Variants in STRIP2 observed in about 807,000 individuals in gnomAD.
The protein encoded by STRIP2 is striatin interacting protein 2, also known as striatin-interacting protein 2.
Under a neutral mutation model 107.1 loss-of-function variants are expected in STRIP2, and 84 were observed. That is an observed-to-expected ratio of 0.78 (90% CI 0.66 to 0.94). The LOEUF (loss-of-function observed/expected upper bound fraction) is 0.94, where lower values mean the gene tolerates loss of function less well. Ranked by LOEUF, STRIP2 falls within the 40% of genes least tolerant of loss-of-function variation. The probability of loss-of-function intolerance (pLI) is 0.00; values close to 1 mark genes in which losing one functional copy is unlikely to be tolerated. For synonymous variants in STRIP2, 394 were observed against 400.4 expected, an observed-to-expected ratio of 0.98 and a Z score of 0.19; for missense variants, 888 against 1,034.2, an observed-to-expected ratio of 0.86 and a Z score of 1.94.
At chr7:129,480,469 G>A (rs551137338) in intron 18 of STRIP2, among the ~76,000 whole-genome samples, 6 of 152,284 alleles carry the variant, frequency 3.9e-5, no homozygotes, top group East Asian at 1.9e-4. Context: ...GTATATGGGG[G>A]TAAAATTCTC....
At position 129,440,106 on chromosome 7, in the gene STRIP2, G is replaced by T. The variant is rs767812903; in HGVS notation, c.199+15G>T. 1.9e-6 allele frequency: 3 copies of T among 1,611,468 alleles called. No homozygotes were observed. The highest frequency in any genetic ancestry group is 2.5e-6 in the Non-Finnish European group (3 of 1,177,626). The stretch of plus-strand genomic sequence containing the variant: ...CGAGTTGTCAGGTATGAGGTAGATG[G>T]GTCAGTAGCTAGTGGAAGAATGGCC... On this transcript the variant is annotated intron_variant, in intron 2 of 20. Transcript: ENST00000249344.
At position 129,467,467 on chromosome 7, in the gene STRIP2, G is replaced by A. The variant is rs985910166; in HGVS notation, c.1877+17G>A. On this transcript the variant is annotated intron_variant, in intron 17 of 20. Transcript: ENST00000249344. ...CAAAAACAGGTATGAACTCTGGACA[G>A]GTTTATTTCAAGGGGCTATTTTGGG... The A allele has an allele frequency of 3.1e-6, 5 of 1,589,574 alleles. No homozygotes were observed. In the African/African-American group the frequency reaches 4.0e-5, roughly 13 times the overall value.
chr7:129,476,874 G>A (rs1384123030), intron 18 of STRIP2, among the ~76,000 whole-genome samples: 1 of 151,994 alleles, frequency 6.6e-6, no homozygotes, highest in Admixed American at 6.6e-5. Flanking sequence ...CTGCACTCCA[G>A]CCTGGGCAAC....
intron 3 of STRIP2, among the ~76,000 whole-genome samples, chr7:129,450,804 C>G (rs1177319093): frequency 6.6e-6 from 1 of 151,580 alleles, no homozygotes; most frequent in Non-Finnish European, 1.5e-5. Flanking sequence ...TGTAGGGAAT[C>G]AGTGTGTTCC....
In STRIP2 at chr7:129,434,646, C is replaced by G. The variant is rs759030066; in HGVS notation, c.129+45C>G. On this transcript the variant is annotated intron_variant, in intron 1 of 20. Coordinates refer to ENST00000249344, the MANE Select transcript of STRIP2 (RefSeq NM_020704.3). ...TCGGCTGGGGCCCGGAGACGCCCGC[C>G]GGCGGGAAGCGGCGGCTGAGGTGAT... is the stretch of plus-strand genomic sequence containing the variant. 7.7e-6 allele frequency: 11 copies of G among 1,429,038 alleles called. 1 individual carries two copies. The South Asian group carries it at 1.5e-4, about 20-fold the overall frequency. 88.5% of individuals were successfully genotyped at this position (1,429,038 alleles called of 1,614,324 possible).
chr7:129,444,794 A>G (rs1278685138), intron 3 of STRIP2, among the ~76,000 whole-genome samples: 1 of 152,196 alleles, frequency 6.6e-6, no homozygotes, highest in African/African-American at 2.4e-5. Context: ...AAACTCACCA[A>G]TCCCCAACCC....
intron 3 of STRIP2, among the ~76,000 whole-genome samples, chr7:129,449,554 T>C (rs1281782177): frequency 1.3e-5 from 2 of 152,174 alleles, no homozygotes; most frequent in African/African-American, 2.4e-5. Flanking sequence ...TTGCCACTAC[T>C]GGGGATGGGG....
At chr7:129,463,902 T>A (rs1434587820) in intron 14 of STRIP2, 142 bp from the exon 15 acceptor site, 1 of 655,082 alleles carries the variant, frequency 1.5e-6, no homozygotes. Context: ...CTTTTCTGGA[T>A]GCTGGGGAGA....
chr7:129,458,242 G>A lies in STRIP2; in HGVS notation c.1066G>A (p.Asp356Asn). 1 of 1,614,152 alleles carries A rather than the reference G, an allele frequency of 6.2e-7. No individual in the cohort carries two copies. Among genetic ancestry groups the A allele is most frequent in the Non-Finnish European group, 8.5e-7 (1 of 1,180,020 alleles). Residue 356 changes from aspartate (D) to asparagine (N), a missense_variant, in exon 10 of 21, where the codon GAC (aspartate) becomes AAC (asparagine). By Grantham distance (23) the Asp-to-Asn change is conservative. Coordinates refer to ENST00000249344, the MANE Select transcript of STRIP2 (RefSeq NM_020704.3). The surrounding 1 kb of genome is among the most constrained non-coding windows in gnomAD (Gnocchi z 4.6). ...RQLLTKQDSL[D>N]IYNERDLFKT... ...ACTCCTCACTAAGCAGGACAGCCTG[G>A]ACATCTACAATGAAAGGGATCTCTT...
rs144029173 is a variant in STRIP2 at position 129,465,753 on chromosome 7, TA to T, written c.1776+1016del. Among the ~76,000 whole-genome samples, 372 of 152,246 alleles carry T rather than the reference TA, an allele frequency of 2.4e-3. 1 individual carries two copies. The highest frequency in any genetic ancestry group is 8.6e-3 in the African/African-American group (358 of 41,554). On this transcript the variant is annotated intron_variant, in intron 16 of 20. Transcript: ENST00000249344. ...CTTGGTTTCATGGGCATTGCCAAGA[TA>T]TAGGGACAAGATGGGGACAGCAAAT...
At chr7:129,467,699 T>C (rs1185021984) in intron 17 of STRIP2, among the ~76,000 whole-genome samples, 1 of 152,178 alleles carries the variant, frequency 6.6e-6, no homozygotes, top group Non-Finnish European at 1.5e-5. Flanking sequence ...GAAGTGGCAA[T>C]GATGAATTTT....
chr7:129,480,279 A>G (rs1366269873), intron 18 of STRIP2, among the ~76,000 whole-genome samples: 1 of 152,204 alleles, frequency 6.6e-6, no homozygotes, highest in Admixed American at 6.5e-5. Flanking sequence ...TTTTCCTTCC[A>G]TGCTGAAGAA....
At chr7:129,444,642 C>T (rs1024688179) in intron 3 of STRIP2, among the ~76,000 whole-genome samples, 3 of 152,146 alleles carry the variant, frequency 2.0e-5, no homozygotes, top group Non-Finnish European at 4.4e-5. Context: ...TATTAACCAT[C>T]GCAAGTCCAC....
chr7:129,478,027 C>T (rs1799017291), intron 18 of STRIP2: 4 of 419,466 alleles, frequency 9.5e-6, no homozygotes, highest in South Asian at 3.7e-5. Flanking sequence ...TGGCAACCAG[C>T]GGGCAACAGA....
rs552931575 is a variant in STRIP2 at position 129,467,346 on chromosome 7, T to G, written c.1777-4T>G. 1.3e-4 allele frequency: 215 copies of G among 1,609,864 alleles called. 2 individuals carry two copies. The South Asian group carries it at 2.2e-3, about 16-fold the overall frequency. ...AGCCCTTTCTGCTTTGATTTTTAATTCAGTTTGAATATGTATCGCAACATT... is the reference window on the plus strand; with the variant it reads ...AGCCCTTTCTGCTTTGATTTTTAATGCAGTTTGAATATGTATCGCAACATT... On this transcript the variant is annotated splice_polypyrimidine_tract_variant and splice_region_variant and intron_variant, in intron 16 of 20. Transcript: ENST00000249344.
chr7:129,440,218 TC>T (rs1201580578), intron 2 of STRIP2, 127 bp downstream of exon 2: 2 of 717,226 alleles, frequency 2.8e-6, no homozygotes, highest in Non-Finnish European at 4.9e-6. Context: ...TTCTCCACAT[TC>T]CTTTTCCTCT....
rs1039262108 is a variant in STRIP2 at position 129,435,505 on chromosome 7, G to T, written c.129+904G>T. On this transcript the variant is annotated intron_variant, in intron 1 of 20. Coordinates refer to ENST00000249344, the MANE Select transcript of STRIP2 (RefSeq NM_020704.3). ...TGACTTGCCCAAGATCAGACATCTG[G>T]CATAGTTGGTGGTCAAGAACACCAG... is the stretch of plus-strand genomic sequence containing the variant. 5.3e-5 allele frequency among the ~76,000 whole-genome samples: 8 copies of T among 152,118 alleles called. 1 individual carries two copies. The highest frequency in any genetic ancestry group is 2.0e-4 in the Admixed American group (3 of 15,286).
intron 2 of STRIP2, among the ~76,000 whole-genome samples, chr7:129,441,611 G>A (rs551882353): frequency 1.3e-5 from 2 of 151,690 alleles, no homozygotes; most frequent in Non-Finnish European, 2.9e-5. Context: ...TGTTGCTTAC[G>A]CTTGAGTGGC....
chr7:129,486,996 C>CTTT lies in STRIP2; in HGVS notation c.*1199_*1201dup, dbSNP rs544536095. 9.8e-4 allele frequency: 52 copies of CTTT among 53,202 alleles called. 2 individuals are homozygous for CTTT. The highest frequency in any genetic ancestry group is 1.4e-3 in the African/African-American group (17 of 12,226). 3.3% of individuals were successfully genotyped at this position (53,202 alleles called of 1,614,324 possible). On this transcript the variant is annotated 3_prime_UTR_variant, in exon 21 of 21. Transcript: ENST00000249344. ...TTTCTGATTTAGTTAGGATCATATGCTTTTTTTTTTTTTTTTTTTTTTTTT... is the reference window on the plus strand; with the variant it reads ...TTTCTGATTTAGTTAGGATCATATGCTTTTTTTTTTTTTTTTTTTTTTTTTTTT...
Sources: allele counts gnomAD v4.1 joint callset (sites outside exome capture counted in the v4.1 genomes callset), GRCh38; gene constraint gnomAD v4.1.1; non-coding constraint Gnocchi (gnomAD v3.1); transcripts MANE v1.5; gene names NCBI Gene and HGNC (gene_info 2026-07-23, HGNC 2026-07-21).